The following EYS variants were observed in gnomAD, a reference collection of about 807,000 sequenced individuals.
EYS encodes protein eyes shut homolog.
Under a neutral mutation model 282.1 loss-of-function variants are expected in EYS, and 250 were observed. That is an observed-to-expected ratio of 0.89 (90% CI 0.80 to 0.98). The LOEUF (loss-of-function observed/expected upper bound fraction) is 0.98, where lower values mean the gene tolerates loss of function less well. Ranked by LOEUF, EYS falls within the 50% of genes least tolerant of loss-of-function variation. EYS has a pLI of 0.00. For synonymous variants in EYS, 1,355 were observed against 1,282.9 expected (o/e 1.06, Z -1.20); for missense variants, 4,016 against 3,709.0 (o/e 1.08, Z -2.15).
intron 35 of EYS, among the ~76,000 whole-genome samples, chr6:63,929,629 A>G (rs1764827403): frequency 6.6e-6 from 1 of 152,214 alleles, no homozygotes; most frequent in African/African-American, 2.4e-5. Context: ...GGCTCTGTCA[A>G]CTGCTATTAC....
At chr6:64,308,747 C>T (rs1769554433) in intron 29 of EYS, among the ~76,000 whole-genome samples, 1 of 151,888 alleles carries the variant, frequency 6.6e-6, no homozygotes, top group South Asian at 2.1e-4. Context: ...TTGCTATAGG[C>T]TCAAATTTAC....
chr6:65,015,914 G>A (rs533270487), intron 13 of EYS, among the ~76,000 whole-genome samples: 11 of 145,608 alleles, frequency 7.6e-5, no homozygotes, highest in East Asian at 4.1e-4. Context: ...GCATGGTAGC[G>A]CACCCATGTA....
chr6:63,961,523 T>G (rs1172035235), intron 35 of EYS, among the ~76,000 whole-genome samples: 1 of 152,100 alleles, frequency 6.6e-6, no homozygotes, highest in African/African-American at 2.4e-5. Flanking sequence ...CTCCCTTGGC[T>G]GACTCTCTTT....
At chr6:63,852,722 A>T (rs545139021) in intron 36 of EYS, among the ~76,000 whole-genome samples, 31 of 152,330 alleles carry the variant, frequency 2.0e-4, no homozygotes, top group African/African-American at 7.5e-4. Context: ...ACATCAATCC[A>T]AAAATCCTTA....
intron 30 of EYS, among the ~76,000 whole-genome samples, chr6:64,265,642 G>C (rs1278300320): frequency 6.6e-6 from 1 of 152,090 alleles, no homozygotes; most frequent in Non-Finnish European, 1.5e-5. Context: ...GAAACTCAAA[G>C]TAGAAAGGAC....
Position 64,581,317 on chromosome 6 carries a change from T to C in EYS, c.5644+8906A>G, listed in dbSNP as rs564678890. 3.7e-4 allele frequency among the ~76,000 whole-genome samples: 56 copies of C among 152,136 alleles called. 1 individual carries two copies. The South Asian group carries it at 0.011, about 29-fold the overall frequency. On this transcript the variant is annotated intron_variant, in intron 26 of 42. Coordinates refer to ENST00000503581, the MANE Select transcript of EYS (RefSeq NM_001142800.2). Reference sequence around the variant, plus strand: ...TAGAGTAGGGAAGGAAATTACAAAATAGTGGCACCATGGACCGAGCTACAT... The same window carrying C: ...TAGAGTAGGGAAGGAAATTACAAAACAGTGGCACCATGGACCGAGCTACAT...
intron 31 of EYS, among the ~76,000 whole-genome samples, chr6:64,155,048 A>G: frequency 6.6e-6 from 1 of 152,172 alleles, no homozygotes; most frequent in South Asian, 2.1e-4. Flanking sequence ...TCCAGAGTCC[A>G]AGGGGCAGGT....
intron 26 of EYS, among the ~76,000 whole-genome samples, chr6:64,466,425 A>G (rs561014623): frequency 3.3e-5 from 5 of 152,330 alleles, no homozygotes; most frequent in African/African-American, 1.2e-4. Context: ...AGCCTTAAAA[A>G]AGGAAGAACC....
intron 18 of EYS, among the ~76,000 whole-genome samples, chr6:64,895,524 G>A (rs1767433741): frequency 1.3e-5 from 2 of 152,148 alleles, no homozygotes; most frequent in African/African-American, 4.8e-5. Context: ...GCTGCCTGAA[G>A]ATTAAATAGC....
At chr6:65,331,197 T>C in intron 11 of EYS, 1 of 780,032 alleles carries the variant, frequency 1.3e-6, no homozygotes, top group Non-Finnish European at 1.6e-6. Context: ...TGCAATATTT[T>C]TACTATTGCA....
chr6:64,634,553 A>G (rs1767904944), intron 22 of EYS, among the ~76,000 whole-genome samples: 1 of 151,866 alleles, frequency 6.6e-6, no homozygotes, highest in South Asian at 2.1e-4. Context: ...CTTCCAAAAA[A>G]AAAAAAAAAG....
intron 12 of EYS, among the ~76,000 whole-genome samples, chr6:65,229,535 C>T (rs1180464573): frequency 6.6e-6 from 1 of 151,288 alleles, no homozygotes; most frequent in Non-Finnish European, 1.5e-5. Context: ...AAAAAAGTGG[C>T]AGAATCCGGA....
At chr6:64,376,161 A>G (rs1772556716) in intron 29 of EYS, among the ~76,000 whole-genome samples, 3 of 152,146 alleles carry the variant, frequency 2.0e-5, no homozygotes, top group Admixed American at 6.5e-5. Context: ...ATAAGATAAT[A>G]TTTGCTAGAA....
chr6:65,274,558 G>A (rs1398329853), intron 12 of EYS, among the ~76,000 whole-genome samples: 2 of 152,110 alleles, frequency 1.3e-5, no homozygotes, highest in African/African-American at 4.8e-5. Context: ...GTTTTCAGCT[G>A]GCACTACCAG....
chr6:64,283,072 T>C (rs953676894), intron 30 of EYS, among the ~76,000 whole-genome samples: 1 of 152,190 alleles, frequency 6.6e-6, no homozygotes, highest in African/African-American at 2.4e-5. Context: ...TTCTACTACA[T>C]CTTCCATGTC....
chr6:64,641,700 T>A (rs1279196928), intron 22 of EYS, among the ~76,000 whole-genome samples: 1 of 152,126 alleles, frequency 6.6e-6, no homozygotes, highest in African/African-American at 2.4e-5. Flanking sequence ...TACAGGTCCA[T>A]GGCCTGTTAG....
intron 22 of EYS, among the ~76,000 whole-genome samples, chr6:64,670,564 G>GA (rs1769420383): frequency 1.3e-5 from 2 of 152,066 alleles, no homozygotes; most frequent in African/African-American, 4.8e-5. Context: ...AAAACATAGA[G>GA]TATGAGACAT....
rs1171065781 is a variant in EYS at position 65,442,925 on chromosome 6, CAT to C, written c.863-37560_863-37559del. Among the ~76,000 whole-genome samples, 3 of 133,868 alleles carry C rather than the reference CAT, an allele frequency of 2.2e-5. No homozygotes were observed. The East Asian group carries it at 6.1e-4, about 27-fold the overall frequency. The allele number at this position is 133,868 out of a possible 152,430, so 87.8% of individuals were successfully genotyped here. A position where few individuals can be genotyped will look rare whatever the true frequency, so the allele number is the denominator to read the frequency against. On this transcript the variant is annotated intron_variant, in intron 5 of 42. Coordinates refer to ENST00000503581, the MANE Select transcript of EYS (RefSeq NM_001142800.2). The stretch of plus-strand genomic sequence containing the variant: ...ATATATACATGCACATACATATGTA[CAT>C]ATATGTATATACGTATATACATGCA...
intron 2 of EYS, among the ~76,000 whole-genome samples, chr6:65,631,568 T>C (rs965023485): frequency 2.6e-5 from 4 of 152,178 alleles, no homozygotes; most frequent in Admixed American, 2.6e-4. Context: ...TCTGTTTCTC[T>C]ACAACTTCAT....
Sources: gnomAD v4.1 joint callset for allele counts (sites outside exome capture counted in the v4.1 genomes callset) on GRCh38, gnomAD v4.1.1 for gene constraint, MANE v1.5 for transcripts, NCBI Gene and HGNC (gene_info 2026-07-23, HGNC 2026-07-21) for gene names.